Variants in DMD observed in about 807,000 individuals in gnomAD.
The protein encoded by DMD is mutant dystrophin.
DMD carries 63 observed loss-of-function variants against 330.1 expected under a neutral mutation model. The ratio of observed to expected loss-of-function variants is 0.19; its 90% confidence interval spans 0.16 to 0.24. DMD has a LOEUF of 0.24. Ranked by LOEUF, DMD falls within the 10% of genes least tolerant of loss-of-function variation. The pLI is 1.00. For synonymous variants in DMD, 1,223 were observed against 959.8 expected (o/e 1.27, Z -5.07); for missense variants, 3,344 against 2,684.1 (o/e 1.25, Z -5.43).
chrX:32,711,466 G>A (rs991552535), intron 7 of DMD, among the ~76,000 whole-genome samples: 3 of 111,372 alleles, frequency 2.7e-5, no homozygotes, highest in African/African-American at 9.8e-5. Context: ...CAATGGGAAC[G>A]TGCCCCTTGA....
chrX:32,280,883 A>T (rs2097418369), intron 43 of DMD, among the ~76,000 whole-genome samples: 1 of 112,531 alleles, frequency 8.9e-6, no homozygotes, highest in African/African-American at 3.2e-5. Context: ...CTGAGATAGC[A>T]AATTCTTATC....
chrX:31,353,386 C>T (rs1236966646), intron 60 of DMD, among the ~76,000 whole-genome samples: 4 of 111,330 alleles, frequency 3.6e-5, no homozygotes, highest in South Asian at 3.7e-4. Context: ...AAAACAGATT[C>T]GAAAGGGCAC....
chrX:31,765,008 T>A (rs1041318694), intron 51 of DMD, among the ~76,000 whole-genome samples: 94 of 110,448 alleles, frequency 8.5e-4, no homozygotes, highest in African/African-American at 2.6e-3. Flanking sequence ...TTATTTTTAA[T>A]GAATTCTTTA....
At chrX:32,023,988 G>A (rs2095826480) in intron 44 of DMD, among the ~76,000 whole-genome samples, 1 of 111,471 alleles carries the variant, frequency 9.0e-6, no homozygotes, top group Admixed American at 9.5e-5. Context: ...TGGTTACCAT[G>A]CTCGCTACCT....
At chrX:32,987,881 G>T (rs921021510) in intron 2 of DMD, among the ~76,000 whole-genome samples, 2 of 108,781 alleles carry the variant, frequency 1.8e-5, no homozygotes, top group South Asian at 4.0e-4. Context: ...GTAATATCTA[G>T]TATATATCAG....
At chrX:31,222,740 G>A (rs1376064693) in intron 64 of DMD, among the ~76,000 whole-genome samples, 3 of 111,881 alleles carry the variant, frequency 2.7e-5, no homozygotes, top group Non-Finnish European at 5.6e-5. Context: ...GGTAGAACAA[G>A]GATTGTGCAA....
chrX:32,521,733 C>T (rs906782395), intron 17 of DMD, among the ~76,000 whole-genome samples: 2 of 112,117 alleles, frequency 1.8e-5, no homozygotes, highest in African/African-American at 6.5e-5. Context: ...CAGTATTCCC[C>T]AGATCAGTAA....
At chrX:32,451,210 G>T (rs2098328666) in intron 26 of DMD, among the ~76,000 whole-genome samples, 1 of 110,740 alleles carries the variant, frequency 9.0e-6, no homozygotes, top group African/African-American at 3.3e-5. Context: ...AAGACTCACT[G>T]AATCAGAAAT....
intron 1 of DMD, among the ~76,000 whole-genome samples, chrX:33,049,267 G>A (rs1015348117): frequency 8.9e-6 from 1 of 111,852 alleles, no homozygotes; most frequent in Non-Finnish European, 1.9e-5. Context: ...ATCCTGGAAT[G>A]TATTTAGGTT....
At chrX:31,809,174 T>TAC (rs1473729005) in intron 50 of DMD, among the ~76,000 whole-genome samples, 1 of 105,698 alleles carries the variant, frequency 9.5e-6, no homozygotes, top group East Asian at 2.9e-4. Flanking sequence ...TGAGTTTATA[T>TAC]ATATATGAGT....
chrX:31,620,750 C>A (rs764042097), intron 55 of DMD, among the ~76,000 whole-genome samples: 53 of 111,347 alleles, frequency 4.8e-4, no homozygotes, highest in African/African-American at 1.7e-3. Context: ...TTTGCTAATT[C>A]TTTGCCTTTT....
At chrX:32,278,185 A>G (rs1421538111) in intron 43 of DMD, among the ~76,000 whole-genome samples, 1 of 111,264 alleles carries the variant, frequency 9.0e-6, no homozygotes, top group Non-Finnish European at 1.9e-5. Flanking sequence ...ATGAGCAACT[A>G]TATGCCAACA....
At chrX:32,113,663 G>A (rs2096598190) in intron 44 of DMD, among the ~76,000 whole-genome samples, 1 of 111,249 alleles carries the variant, frequency 9.0e-6, no homozygotes, top group Non-Finnish European at 1.9e-5. Flanking sequence ...TGAGAGCATT[G>A]GCTGTTCTTT....
At chrX:32,371,390 A>G (rs2097877035) in intron 34 of DMD, among the ~76,000 whole-genome samples, 1 of 110,691 alleles carries the variant, frequency 9.0e-6, no homozygotes, top group Admixed American at 9.7e-5. Context: ...GACTACTGTT[A>G]ATAAAACAGG....
At chrX:32,099,773 A>G (rs1184580944) in intron 44 of DMD, among the ~76,000 whole-genome samples, 1 of 104,276 alleles carries the variant, frequency 9.6e-6, no homozygotes, top group Non-Finnish European at 2.0e-5. Context: ...GGACAGCATT[A>G]GGAGATATAC....
intron 37 of DMD, among the ~76,000 whole-genome samples, chrX:32,356,246 C>G (rs569090342): frequency 9.1e-6 from 1 of 109,503 alleles, no homozygotes; most frequent in African/African-American, 3.3e-5. Context: ...TAGGCCCAAT[C>G]ATGTGTTTCT....
At position 32,012,429 on chromosome X, in the gene DMD, C is replaced by T. The variant is rs139337332; in HGVS notation, c.6439-43915G>A. Among the ~76,000 whole-genome samples the T allele has an allele frequency of 2.9e-3, 327 of 111,797 alleles. 1 individual carries two copies. The highest frequency in any genetic ancestry group is 0.01 in the African/African-American group (318 of 30,796). On this transcript the variant is annotated intron_variant, in intron 44 of 78. Coordinates refer to ENST00000357033, the MANE Select transcript of DMD (RefSeq NM_004006.3). Reference sequence around the variant, plus strand: ...TTCCATTATTGTGCCTCAGTCACCCCCTAGGTGTCTCCCTCATTTGTTTCT... The same window carrying T: ...TTCCATTATTGTGCCTCAGTCACCCTCTAGGTGTCTCCCTCATTTGTTTCT...
chrX:33,152,468 C>T (rs2048324657), intron 1 of DMD, among the ~76,000 whole-genome samples: 1 of 111,092 alleles, frequency 9.0e-6, no homozygotes, highest in Admixed American at 9.7e-5. Context: ...GCCACTGTAC[C>T]TGGCCAGCTT....
intron 55 of DMD, among the ~76,000 whole-genome samples, chrX:31,604,475 C>T (rs751795822): frequency 5.4e-5 from 6 of 111,530 alleles, no homozygotes; most frequent in East Asian, 5.6e-4. Context: ...TTAGCAGCTA[C>T]GGTCACATTT....
Sources: gnomAD v4.1 joint callset for allele counts (sites outside exome capture counted in the v4.1 genomes callset) on GRCh38, gnomAD v4.1.1 for gene constraint, MANE v1.5 for transcripts, NCBI Gene and HGNC (gene_info 2026-07-23, HGNC 2026-07-21) for gene names.